Variants in CCDC63 observed in about 807,000 individuals in gnomAD.
The protein encoded by CCDC63 is coiled-coil domain-containing protein 63.
A neutral mutation model predicts 63.6 loss-of-function variants in CCDC63; 54 were observed. The ratio of observed to expected loss-of-function variants is 0.85; its 90% CI spans 0.68 to 1.07. The LOEUF is 1.07. CCDC63 is among the 50% of genes least tolerant of loss of function. The pLI, the probability that CCDC63 is intolerant of heterozygous loss-of-function variation, is 0.00. For synonymous variants in CCDC63, 253 were observed against 266.1 expected (o/e 0.95, Z 0.48); for missense variants, 637 against 689.6 (o/e 0.92, Z 0.86).
chr12:110,891,175 G>A (rs1592780649), intron 8 of CCDC63, among the ~76,000 whole-genome samples: 2 of 152,056 alleles, frequency 1.3e-5, no homozygotes, highest in South Asian at 4.2e-4. Flanking sequence ...GCTGGGTGTG[G>A]TGGCTCATGC....
intron 8 of CCDC63, among the ~76,000 whole-genome samples, chr12:110,888,617 A>G (rs543695784): frequency 1.3e-5 from 2 of 152,294 alleles, no homozygotes; most frequent in Admixed American, 6.5e-5. Flanking sequence ...GGTAAGACTT[A>G]ATTTTGCAAA....
chr12:110,849,326 A>C (rs1437829471), intron 1 of CCDC63, among the ~76,000 whole-genome samples: 1 of 152,210 alleles, frequency 6.6e-6, no homozygotes, highest in Admixed American at 6.5e-5. Context: ...AGTAGCCAAC[A>C]GTGTCAGTTA....
At chr12:110,876,923 A>G (rs57074071) in intron 5 of CCDC63, among the ~76,000 whole-genome samples, 9,590 of 151,168 alleles carry the variant, frequency 0.063, 356 homozygotes, top group East Asian at 0.15. Context: ...CTGCACCTGT[A>G]GTCCTAGCTG....
At chr12:110,864,847 A>G (rs973779265) in intron 4 of CCDC63, among the ~76,000 whole-genome samples, 38 of 152,318 alleles carry the variant, frequency 2.5e-4, no homozygotes, top group African/African-American at 8.9e-4. Flanking sequence ...TATGACAGGA[A>G]GTGCAAAGGT....
intron 8 of CCDC63, among the ~76,000 whole-genome samples, chr12:110,887,151 A>G (rs986394084): frequency 3.3e-5 from 5 of 151,874 alleles, no homozygotes; most frequent in Admixed American, 3.3e-4. Context: ...TTTTTGAGAC[A>G]GAGTCTTGCT....
At chr12:110,905,374 T>A (rs968457123) in intron 11 of CCDC63, among the ~76,000 whole-genome samples, 3 of 152,112 alleles carry the variant, frequency 2.0e-5, no homozygotes, top group African/African-American at 7.2e-5. Context: ...GGAAACTCAC[T>A]CATCCTCCTC....
chr12:110,849,845 A>T (rs1350745818), intron 1 of CCDC63, among the ~76,000 whole-genome samples: 1 of 152,156 alleles, frequency 6.6e-6, no homozygotes, highest in Non-Finnish European at 1.5e-5. Context: ...ACTTCTCCTT[A>T]TGTCTCATTG....
intron 8 of CCDC63, among the ~76,000 whole-genome samples, chr12:110,891,253 G>A (rs941542567): frequency 6.6e-6 from 1 of 151,758 alleles, no homozygotes; most frequent in Non-Finnish European, 1.5e-5. Flanking sequence ...AGAGGTTGCA[G>A]TAAGCTGAGA....
chr12:110,858,132 TAAAATAAAATAAAATAAAATAAAATAA>T (rs1215238466), intron 3 of CCDC63, among the ~76,000 whole-genome samples: 68 of 147,662 alleles, frequency 4.6e-4, no homozygotes, highest in African/African-American at 1.6e-3. Flanking sequence ...TAAAATAAAA[TAAAATAAAATAAAATAAAATAAAATAA>T]AAAATAAAAT....
At chr12:110,883,701 G>A (rs760606608) in intron 7 of CCDC63, among the ~76,000 whole-genome samples, 5 of 151,846 alleles carry the variant, frequency 3.3e-5, no homozygotes, top group Admixed American at 2.6e-4. Flanking sequence ...GTGCAGTGGC[G>A]CAAACTTGGC....
At chr12:110,896,626 A>G (rs1001597917) in intron 9 of CCDC63, among the ~76,000 whole-genome samples, 5 of 152,204 alleles carry the variant, frequency 3.3e-5, no homozygotes, top group Non-Finnish European at 7.3e-5. Flanking sequence ...GGCAGGAATC[A>G]GGGAAGGAAA....
chr12:110,900,382 G>A (rs1023683112), intron 10 of CCDC63, among the ~76,000 whole-genome samples: 3 of 152,258 alleles, frequency 2.0e-5, no homozygotes, highest in Non-Finnish European at 2.9e-5. Context: ...CCTAGCCAAT[G>A]CAATAAAGCA....
intron 11 of CCDC63, among the ~76,000 whole-genome samples, chr12:110,906,009 A>AAAATATATATTATATT (rs1566144721): frequency 4.1e-5 from 2 of 49,210 alleles, no homozygotes; most frequent in African/African-American, 8.3e-5. Flanking sequence ...TATATTATAT[A>AAAATATATATTATATT]ATATAATATA....
intron 4 of CCDC63, among the ~76,000 whole-genome samples, chr12:110,873,627 TCTAA>T (rs1475253328): frequency 6.6e-6 from 1 of 152,140 alleles, no homozygotes; most frequent in African/African-American, 2.4e-5. Context: ...TAAGATTAAG[TCTAA>T]CTGAGGAGGC....
Position 110,907,046 on chromosome 12 carries a change from G to A in CCDC63, c.1547-285G>A, listed in dbSNP as rs989096328. Among the ~76,000 whole-genome samples, 6 of 152,140 alleles carry A rather than the reference G, an allele frequency of 3.9e-5. No individual in the cohort carries two copies. The highest frequency in any genetic ancestry group is 7.3e-5 in the Non-Finnish European group (5 of 68,032). ...CTGGATTTCAGCCCATCCATCTACC[G>A]CTCTCCTCAGGTGTCTTTGTGCAGT... On this transcript the variant is annotated intron_variant, in intron 11 of 11. Transcript: ENST00000308208. The surrounding 1 kb of genome is among the most constrained non-coding windows in gnomAD (Gnocchi z 4.4).
intron 11 of CCDC63, 36 bp downstream of exon 11, chr12:110,904,827 A>G (rs755499422): frequency 1.4e-5 from 22 of 1,521,940 alleles, no homozygotes; most frequent in Middle Eastern, 1.7e-4. Flanking sequence ...ACAGGTTGCT[A>G]GGGAACCTGT....
rs745322273 is a variant in CCDC63, at chr12:110,907,518, T to C, written c.*42T>C. On this transcript the variant is annotated 3_prime_UTR_variant, in exon 12 of 12. Coordinates refer to ENST00000308208, the MANE Select transcript of CCDC63 (RefSeq NM_152591.3). This position sits in a 1 kb window ranked among gnomAD's most constrained non-coding sequence, Gnocchi z 4.4. ...CACCTTTGCAACATAACCGAAAGAA[T>C]AAATGTTTTGTTCTGTAGCCTCGTG... The C allele has an allele frequency of 1.9e-6, 3 of 1,611,088 alleles. No homozygotes were observed. The South Asian group carries it at 3.3e-5, about 18-fold the overall frequency.
chr12:110,851,283 A>G (rs2136638346), intron 1 of CCDC63, among the ~76,000 whole-genome samples: 1 of 152,192 alleles, frequency 6.6e-6, no homozygotes, highest in Non-Finnish European at 1.5e-5. Flanking sequence ...CTCAAGCCTC[A>G]AGATTCAGTC....
intron 5 of CCDC63, among the ~76,000 whole-genome samples, chr12:110,876,214 T>C (rs1267115202): frequency 6.6e-6 from 1 of 150,750 alleles, no homozygotes; most frequent in Non-Finnish European, 1.5e-5. Flanking sequence ...GGCCTGAGAG[T>C]CCTCCCCATA....
Sources: gnomAD v4.1 joint callset for allele counts (sites outside exome capture counted in the v4.1 genomes callset) on GRCh38, gnomAD v4.1.1 for gene constraint, Gnocchi (gnomAD v3.1) non-coding constraint, MANE v1.5 for transcripts, NCBI Gene and HGNC (gene_info 2026-07-23, HGNC 2026-07-21) for gene names.